The following NDUFAF6 variants were observed in gnomAD, a reference collection of about 807,000 sequenced individuals.
The protein encoded by NDUFAF6 is NADH:ubiquinone oxidoreductase complex assembly factor 6.
NDUFAF6 carries 45 observed loss-of-function variants against 40.8 expected under a neutral mutation model. The ratio of observed to expected loss-of-function variants is 1.10; its 90% CI spans 0.87 to 1.42. The LOEUF (loss-of-function observed/expected upper bound fraction) is 1.42, where lower values mean the gene tolerates loss of function less well. NDUFAF6 is among the 40% of genes most tolerant of loss of function. The pLI, the probability that NDUFAF6 is intolerant of heterozygous loss-of-function variation, is 0.00. For synonymous variants in NDUFAF6, 185 were observed against 155.9 expected, an observed-to-expected ratio of 1.19 and a Z score of -1.39; for missense variants, 435 against 418.5, an observed-to-expected ratio of 1.04 and a Z score of -0.34.
rs376104837 is a variant in NDUFAF6, at chr8:94,986,075, G to A, written c.-84+5102G>A. On this transcript the variant is annotated intron_variant, in intron 2 of 9. Coordinates refer to the NDUFAF6 transcript ENST00000396111. ...TTTTTAGTAGAGATGGGGTTTCACC[G>A]TGTTAACCAGGATGGTCTCGATCTC... Among the ~76,000 whole-genome samples, 30 of 151,838 alleles carry A rather than the reference G, an allele frequency of 2.0e-4. No individual in the cohort carries two copies. The East Asian group carries it at 4.5e-3, about 23-fold the overall frequency.
chr8:95,111,117 G>A (rs573555911), intron 4 of NDUFAF6, among the ~76,000 whole-genome samples: 1 of 152,296 alleles, frequency 6.6e-6, no homozygotes, highest in African/African-American at 2.4e-5. Context: ...CCAGGGGGTA[G>A]CCAGCGAACT....
At chr8:94,936,316 A>T (rs1820970325) in intron 1 of NDUFAF6, among the ~76,000 whole-genome samples, 1 of 152,154 alleles carries the variant, frequency 6.6e-6, no homozygotes, top group Admixed American at 6.5e-5. Context: ...TTATGTAGGG[A>T]ATGTAAGAAG....
intron 1 of NDUFAF6, among the ~76,000 whole-genome samples, chr8:94,962,177 CA>C (rs1304524299): frequency 6.6e-6 from 1 of 152,252 alleles, no homozygotes; most frequent in Non-Finnish European, 1.5e-5. Context: ...CTGCCCAGAA[CA>C]GGTACACAAT....
chr8:95,072,562 T>C (rs1456741594), intron 9 of NDUFAF6, among the ~76,000 whole-genome samples: 1 of 152,234 alleles, frequency 6.6e-6, no homozygotes, highest in African/African-American at 2.4e-5. Flanking sequence ...CTTGGAACCC[T>C]GACCAGCATT....
At chr8:94,933,828 A>G (rs959198184) in intron 1 of NDUFAF6, among the ~76,000 whole-genome samples, 3 of 41,202 alleles carry the variant, frequency 7.3e-5, no homozygotes, top group African/African-American at 1.1e-4. Context: ...TAATCCCAGC[A>G]CTTTGTGGGG....
intron 2 of NDUFAF6, among the ~76,000 whole-genome samples, chr8:95,091,726 A>G (rs981528908): frequency 3.4e-5 from 5 of 148,634 alleles, no homozygotes; most frequent in Non-Finnish European, 7.4e-5. Flanking sequence ...TGCAGCCTTG[A>G]CCTCTTGGGT....
intron 3 of NDUFAF6, among the ~76,000 whole-genome samples, chr8:95,036,976 C>T (rs910382862): frequency 6.6e-6 from 1 of 152,180 alleles, no homozygotes; most frequent in African/African-American, 2.4e-5. Flanking sequence ...GCATATGGGG[C>T]ATATTGGGTA....
At position 95,052,229 on chromosome 8, in the gene NDUFAF6, C is replaced by A. The variant is rs763178410; in HGVS notation, c.872C>A (p.Thr291Lys). 1 of 1,613,728 alleles carries A rather than the reference C, an allele frequency of 6.2e-7. No homozygotes were observed. Reference sequence around the variant, plus strand: ...AAAGCATTTCCTGCTTTTCTTCAGACGGTAAGTAGATTAACAGAGAAGGCT... The same window carrying A: ...AAAGCATTTCCTGCTTTTCTTCAGAAGGTAAGTAGATTAACAGAGAAGGCT... ...PVKAFPAFLQ[T>K]VSLEDFLKKI... The change falls in exon 8 of 9, where the codon ACG becomes AAG. Residue 291 changes from threonine (T) to lysine (K), a missense_variant and splice_region_variant. Thr to Lys is a moderately conservative substitution (Grantham distance 78). Coordinates refer to ENST00000396124, the MANE Select transcript of NDUFAF6 (RefSeq NM_152416.4).
At chr8:95,023,288 C>G (rs981737886), upstream of NDUFAF6, 1 of 152,214 alleles carries the variant, frequency 6.6e-6, no homozygotes, top group Non-Finnish European at 1.5e-5. Flanking sequence ...CACCCACCAC[C>G]GGGGTTCTGC....
chr8:95,105,969 A>T (rs183635716), downstream of NDUFAF6, among the ~76,000 whole-genome samples: 1 of 151,016 alleles, frequency 6.6e-6, no homozygotes, highest in Non-Finnish European at 1.5e-5. Flanking sequence ...GGAACCAGAA[A>T]GTTGTCTTTA....
chr8:95,057,108 G>A (rs1443392485), intron 8 of NDUFAF6, among the ~76,000 whole-genome samples: 1 of 152,180 alleles, frequency 6.6e-6, no homozygotes, highest in Non-Finnish European at 1.5e-5. Flanking sequence ...ATGTGGACGA[G>A]GAGGTCTCGT....
chr8:95,106,702 A>C (rs912724558), downstream of NDUFAF6, among the ~76,000 whole-genome samples: 2 of 152,226 alleles, frequency 1.3e-5, no homozygotes, highest in African/African-American at 2.4e-5. Context: ...GGCAACCTAC[A>C]GAATGGGAGA....
At chr8:95,086,229 A>T (rs1587256465) in intron 2 of NDUFAF6, among the ~76,000 whole-genome samples, 1 of 152,344 alleles carries the variant, frequency 6.6e-6, no homozygotes, top group African/African-American at 2.4e-5. Context: ...AAAGAAAAAA[A>T]GCAGCCCTAC....
rs574406172 is a variant in NDUFAF6, at chr8:95,045,068, C to T, written c.478-477C>T. On this transcript the variant is annotated intron_variant, in intron 4 of 8. Coordinates refer to ENST00000396124, the MANE Select transcript of NDUFAF6 (RefSeq NM_152416.4). ...TTCAAGAGTCAAATATGTGGGTTCC[C>T]GTCCCCACCATTTATTTATTAACTG... Among the ~76,000 whole-genome samples the T allele has an allele frequency of 3.0e-3, 455 of 151,704 alleles. 1 individual carries two copies. Among genetic ancestry groups the T allele is most frequent in the African/African-American group, 9.9e-3 (408 of 41,360 alleles).
At chr8:95,000,729 A>G (rs2131641632) in intron 2 of NDUFAF6, among the ~76,000 whole-genome samples, 1 of 152,014 alleles carries the variant, frequency 6.6e-6, no homozygotes, top group South Asian at 2.1e-4. Flanking sequence ...GGAGGTCAGG[A>G]GCTGGAGACC....
At chr8:94,899,951 G>A (rs778839235) in intron 1 of NDUFAF6, among the ~76,000 whole-genome samples, 4 of 152,064 alleles carry the variant, frequency 2.6e-5, no homozygotes, top group Non-Finnish European at 1.5e-5. Flanking sequence ...CACATCCCCT[G>A]TCCTTCTCAC....
downstream of NDUFAF6, among the ~76,000 whole-genome samples, chr8:95,104,983 G>A (rs1809776923): frequency 6.6e-6 from 1 of 151,686 alleles, no homozygotes; most frequent in East Asian, 1.9e-4. Flanking sequence ...GAGGGTAAGA[G>A]CAAGTCAAAT....
intron 1 of NDUFAF6, among the ~76,000 whole-genome samples, chr8:94,898,492 A>G (rs1368039143): frequency 6.6e-6 from 1 of 152,232 alleles, no homozygotes; most frequent in Non-Finnish European, 1.5e-5. Flanking sequence ...GAGGAAGATC[A>G]TAGAGATAAA....
intron 4 of NDUFAF6, among the ~76,000 whole-genome samples, chr8:95,044,962 A>G (rs558359407): frequency 1.1e-3 from 171 of 152,032 alleles, no homozygotes; most frequent in African/African-American, 4.0e-3. Flanking sequence ...TTTATTGAGC[A>G]TGGTTTCTTT....
Sources: gnomAD v4.1 joint callset for allele counts (sites outside exome capture counted in the v4.1 genomes callset) on GRCh38, gnomAD v4.1.1 for gene constraint, MANE v1.5 for transcripts, NCBI Gene and HGNC (gene_info 2026-07-23, HGNC 2026-07-21) for gene names.